AFF2: variants seen among roughly 807,000 people sequenced by gnomAD.
The protein encoded by AFF2 is ALF transcription elongation factor 2, also known as AF4/FMR2 family member 2.
A neutral mutation model predicts 76.9 loss-of-function variants in AFF2; 14 were observed. The observed-to-expected ratio is 0.18, with a 90% CI of 0.12 to 0.28. The LOEUF (loss-of-function observed/expected upper bound fraction) is 0.28. Among genes scored for constraint, AFF2 ranks in the 10% least tolerant of loss-of-function variants. The pLI is 1.00. For missense variants in AFF2, 868 were observed against 1,001.1 expected, an observed-to-expected ratio of 0.87 and a Z score of 1.79; for synonymous variants, 398 against 366.7, an observed-to-expected ratio of 1.09 and a Z score of -0.98.
chrX:148,519,462 C>G (rs2052572345), intron 1 of AFF2, among the ~76,000 whole-genome samples: 1 of 112,167 alleles, frequency 8.9e-6, no homozygotes, highest in Admixed American at 9.5e-5. Flanking sequence ...ACATCTCCCA[C>G]TCACGTAGAC....
At chrX:148,638,452 C>A (rs1355982513) in intron 1 of AFF2, among the ~76,000 whole-genome samples, 1 of 111,213 alleles carries the variant, frequency 9.0e-6, no homozygotes, top group Non-Finnish European at 1.9e-5. Context: ...GGGAAGCCAC[C>A]CGCATGATCC....
chrX:148,908,363 G>A (rs1427146937), intron 9 of AFF2, among the ~76,000 whole-genome samples: 1 of 112,108 alleles, frequency 8.9e-6, no homozygotes, highest in African/African-American at 3.2e-5. Context: ...GTAAAGACAG[G>A]CGTAAGAAAT....
At chrX:148,826,260 A>C (rs1293470895) in intron 4 of AFF2, among the ~76,000 whole-genome samples, 1 of 105,759 alleles carries the variant, frequency 9.5e-6, no homozygotes, top group African/African-American at 3.4e-5. Context: ...ATTGGAATGC[A>C]CCCCTTCCTT....
chrX:148,603,099 A>G (rs1292777237), intron 1 of AFF2, among the ~76,000 whole-genome samples: 2 of 111,842 alleles, frequency 1.8e-5, no homozygotes, highest in Non-Finnish European at 3.8e-5. Flanking sequence ...GTCTTGAAAG[A>G]TTTACCTCCA....
At position 148,995,073 on chromosome X, in the gene AFF2, G is replaced by A. The variant is rs782727163; in HGVS notation, c.*3741G>A. 4.5e-5 allele frequency: 5 copies of A among 111,994 alleles called. No individual in the cohort carries two copies. Among genetic ancestry groups the A allele is most frequent in the Non-Finnish European group, 9.4e-5 (5 of 53,091 alleles). 9.2% of individuals were successfully genotyped at this position (111,994 alleles called of 1,213,427 possible). On this transcript the variant is annotated 3_prime_UTR_variant, in exon 21 of 21. Transcript: ENST00000370460. ...CAGCACCCCCAAATTTAATTCTGTG[G>A]GGAAAAATTATTGAGCCAGTTGTCA...
At chrX:148,784,356 A>C (rs1347732890) in intron 3 of AFF2, among the ~76,000 whole-genome samples, 1 of 112,094 alleles carries the variant, frequency 8.9e-6, no homozygotes, top group Non-Finnish European at 1.9e-5. Context: ...CGACTCAAGA[A>C]AAATGGGACT....
chrX:148,965,991 A>G (rs1308951711), intron 13 of AFF2, among the ~76,000 whole-genome samples: 5 of 111,252 alleles, frequency 4.5e-5, no homozygotes, highest in African/African-American at 1.6e-4. Flanking sequence ...CATGGCAGGT[A>G]GTCTTGTGAT....
chrX:148,920,497 G>T (rs781821040), intron 9 of AFF2, among the ~76,000 whole-genome samples: 50 of 111,614 alleles, frequency 4.5e-4, no homozygotes, highest in South Asian at 2.6e-3. Flanking sequence ...TCTTCCTTCA[G>T]CCAATTTGAT....
At chrX:148,608,277 G>T (rs1196374495) in intron 1 of AFF2, among the ~76,000 whole-genome samples, 2 of 111,256 alleles carry the variant, frequency 1.8e-5, no homozygotes, top group Admixed American at 9.6e-5. Flanking sequence ...CTATCATAAG[G>T]TCCTCAAAGC....
chrX:148,695,444 C>G (rs2054709627), intron 3 of AFF2, among the ~76,000 whole-genome samples: 1 of 111,907 alleles, frequency 8.9e-6, no homozygotes, highest in Admixed American at 9.5e-5. Context: ...ATAATCAACG[C>G]AGGAAATTTA....
At chrX:148,790,133 T>C (rs1557269835) in intron 3 of AFF2, among the ~76,000 whole-genome samples, 1 of 112,154 alleles carries the variant, frequency 8.9e-6, no homozygotes, top group African/African-American at 3.2e-5. Context: ...ATGGTTAGCT[T>C]GGCCTTGCTG....
intron 12 of AFF2, among the ~76,000 whole-genome samples, 167 bp from the exon 13 acceptor site, chrX:148,962,530 GAGATATCTATATCTATAA>G (rs1262439940): frequency 8.9e-6 from 1 of 111,749 alleles, no homozygotes. Flanking sequence ...TTTATATAGA[GAGATATCTATATCTATAA>G]AGATATCTAT....
chrX:148,712,426 C>T (rs921898072), intron 3 of AFF2, among the ~76,000 whole-genome samples: 1 of 111,512 alleles, frequency 9.0e-6, no homozygotes, highest in Non-Finnish European at 1.9e-5. Flanking sequence ...CTCAAGACAG[C>T]GAAGAAGGTC....
intron 1 of AFF2, among the ~76,000 whole-genome samples, chrX:148,574,943 GGTGTGTGTGTGTGTGTGTGT>G (rs781819721): frequency 1.9e-3 from 182 of 95,662 alleles, no homozygotes; most frequent in African/African-American, 6.2e-3. Flanking sequence ...ATAGTGCTGG[GGTGTGTGTGTGTGTGTGTGT>G]GTGTGTGTGT....
chrX:148,570,558 A>G (rs781810520), intron 1 of AFF2, among the ~76,000 whole-genome samples: 32 of 111,858 alleles, frequency 2.9e-4, no homozygotes, highest in Admixed American at 2.7e-3. Context: ...TGTAATGACA[A>G]TCCTTCTACC....
At position 148,823,240 on chromosome X, in the gene AFF2, T is replaced by A. The variant is rs987108090; in HGVS notation, c.1086+13320T>A. Among the ~76,000 whole-genome samples, 5 of 111,382 alleles carry A rather than the reference T, an allele frequency of 4.5e-5. No individual in the cohort carries two copies. The Admixed American group carries it at 4.8e-4, about 11-fold the overall frequency. On this transcript the variant is annotated intron_variant, in intron 4 of 20. Coordinates refer to ENST00000370460, the MANE Select transcript of AFF2 (RefSeq NM_002025.4). ...GATTAAGATGAAAACAATGTGCCAG[T>A]GACACTGGACCAGACATCAAGAGAC...
intron 3 of AFF2, among the ~76,000 whole-genome samples, chrX:148,727,480 T>C (rs1289425035): frequency 9.0e-6 from 1 of 111,446 alleles, no homozygotes; most frequent in Admixed American, 9.5e-5. Context: ...TTAGAACTTT[T>C]GGAAATAAAG....
intron 1 of AFF2, among the ~76,000 whole-genome samples, chrX:148,651,540 A>G (rs781862510): frequency 8.0e-5 from 9 of 111,938 alleles, no homozygotes; most frequent in Middle Eastern, 4.7e-3. Flanking sequence ...CACTTTGGCT[A>G]TGGGCTCAGG....
chrX:148,757,586 A>G (rs1461762544), intron 3 of AFF2, among the ~76,000 whole-genome samples: 2 of 111,567 alleles, frequency 1.8e-5, no homozygotes, highest in Non-Finnish European at 3.8e-5. Context: ...CTGCATAAAA[A>G]ATAACCTAGA....
Sources: allele counts gnomAD v4.1 joint callset (sites outside exome capture counted in the v4.1 genomes callset), GRCh38; gene constraint gnomAD v4.1.1; transcripts MANE v1.5; gene names NCBI Gene and HGNC (gene_info 2026-07-23, HGNC 2026-07-21).